The following DPP10 variants were observed in gnomAD, a reference collection of about 807,000 sequenced individuals.
DPP10 encodes the protein inactive dipeptidyl peptidase 10.
DPP10 carries 33 observed loss-of-function variants against 120.9 expected under a neutral mutation model. The observed-to-expected ratio is 0.27, with a 90% CI of 0.21 to 0.37. The LOEUF (loss-of-function observed/expected upper bound fraction) is 0.37. Ranked by LOEUF, DPP10 falls within the 10% of genes least tolerant of loss-of-function variation. The pLI is 1.00. For synonymous variants in DPP10, 337 were observed against 326.1 expected (o/e 1.03, Z -0.36); for missense variants, 816 against 942.8 (o/e 0.87, Z 1.76).
chr2:114,468,296 C>T (rs1165170118), intron 1 of DPP10, among the ~76,000 whole-genome samples: 1 of 149,842 alleles, frequency 6.7e-6, no homozygotes, highest in East Asian at 2.0e-4. Flanking sequence ...GTCCAGATCC[C>T]TCTAGGGTGT....
chr2:115,032,234 CA>C (rs1446163282), intron 1 of DPP10, among the ~76,000 whole-genome samples: 2 of 150,312 alleles, frequency 1.3e-5, no homozygotes, highest in Non-Finnish European at 3.0e-5. Context: ...TACAGCAGAG[CA>C]AAAAGCATGC....
chr2:115,010,601 A>G (rs561258721), intron 1 of DPP10, among the ~76,000 whole-genome samples: 1 of 152,320 alleles, frequency 6.6e-6, no homozygotes, highest in Admixed American at 6.5e-5. Context: ...ATTCTCCATA[A>G]TTAAAATAAG....
chr2:115,672,680 C>CTCTTTCTT (rs70941085), intron 5 of DPP10, among the ~76,000 whole-genome samples: 6,315 of 113,318 alleles, frequency 0.056, 306 homozygotes, highest in East Asian at 0.19. Flanking sequence ...CTCTTTCTTT[C>CTCTTTCTT]TCTTTCTTTC....
At chr2:115,506,489 C>G (rs994754380) in intron 4 of DPP10, among the ~76,000 whole-genome samples, 5 of 151,946 alleles carry the variant, frequency 3.3e-5, no homozygotes, top group Non-Finnish European at 5.9e-5. Flanking sequence ...GACTCCTAAT[C>G]CATTGTTGTT....
intron 1 of DPP10, among the ~76,000 whole-genome samples, chr2:114,497,103 AT>A (rs1449286725): frequency 6.7e-6 from 1 of 148,576 alleles, no homozygotes; most frequent in Non-Finnish European, 1.5e-5. Flanking sequence ...ACATGTGTAC[AT>A]GTACGTATAC....
rs143433690 is a variant in DPP10 at position 114,752,791 on chromosome 2, C to T, written c.60+309953C>T. Among the ~76,000 whole-genome samples, 156 of 152,274 alleles carry T rather than the reference C, an allele frequency of 1.0e-3. 1 individual carries two copies. Among genetic ancestry groups the T allele is most frequent in the Non-Finnish European group, 1.6e-3 (110 of 68,026 alleles). On this transcript the variant is annotated intron_variant, in intron 1 of 25. Coordinates refer to ENST00000410059, the MANE Select transcript of DPP10 (RefSeq NM_020868.6). ...ATGACACCCCTGTTTTACTTGCTTC[C>T]GTTTTCCACCAATTAAGAAATGGCA...
At chr2:115,762,998 C>T (rs575614682) in intron 12 of DPP10, among the ~76,000 whole-genome samples, 1 of 152,264 alleles carries the variant, frequency 6.6e-6, no homozygotes, top group South Asian at 2.1e-4. Flanking sequence ...CAAATAAATA[C>T]TTCTCTTCTT....
chr2:115,171,728 AC>A lies in DPP10; in HGVS notation c.61-137510del, dbSNP rs200736526. 2.4e-3 allele frequency among the ~76,000 whole-genome samples: 365 copies of A among 151,214 alleles called. 1 individual carries two copies. The highest frequency in any genetic ancestry group is 3.9e-3 in the African/African-American group (161 of 41,218). ...TTAAGTATAACCTTAAAAAAAAAAAACAAAAAAAAAACAAGTTTTAAAATGC... is the reference window on the plus strand; with the variant it reads ...TTAAGTATAACCTTAAAAAAAAAAAAAAAAAAAAAACAAGTTTTAAAATGC... On this transcript the variant is annotated intron_variant, in intron 1 of 25. Transcript: ENST00000410059.
intron 1 of DPP10, among the ~76,000 whole-genome samples, chr2:115,235,901 A>T (rs1239819984): frequency 6.6e-6 from 1 of 152,162 alleles, no homozygotes; most frequent in Non-Finnish European, 1.5e-5. Context: ...TAAGTACACG[A>T]TGGAGGATGT....
At chr2:115,680,940 T>C (rs1451624052) in intron 5 of DPP10, among the ~76,000 whole-genome samples, 1 of 151,942 alleles carries the variant, frequency 6.6e-6, no homozygotes, top group Non-Finnish European at 1.5e-5. Flanking sequence ...TGATTACAGC[T>C]TATGACAGGA....
chr2:115,055,475 C>T (rs1573449274), intron 1 of DPP10, among the ~76,000 whole-genome samples: 1 of 152,300 alleles, frequency 6.6e-6, no homozygotes, highest in East Asian at 1.9e-4. Flanking sequence ...AAGAAAACGA[C>T]AGGCGAAGAA....
chr2:115,366,853 A>G (rs2065109377), intron 3 of DPP10, among the ~76,000 whole-genome samples: 1 of 152,048 alleles, frequency 6.6e-6, no homozygotes, highest in Admixed American at 6.6e-5. Context: ...TTCAGCACTG[A>G]AAACAGATAG....
intron 1 of DPP10, among the ~76,000 whole-genome samples, chr2:114,615,742 A>C (rs1693628250): frequency 6.6e-6 from 1 of 152,120 alleles, no homozygotes; most frequent in African/African-American, 2.4e-5. Flanking sequence ...ACTTGTAGGG[A>C]GGGAAAAGGG....
chr2:115,301,257 C>G (rs944480624), intron 1 of DPP10, among the ~76,000 whole-genome samples: 9 of 151,966 alleles, frequency 5.9e-5, no homozygotes, highest in East Asian at 3.9e-4. Flanking sequence ...TCAGCATACT[C>G]TTGCAGTTTT....
rs796819754 is a variant in DPP10, at chr2:115,499,251, AATT to A, written c.272-257_272-255del. ...ATGTGCAGCAGACTGCCCATATTTT[AATT>A]AATTTTCATTTGTTAAACCATGAAC... On this transcript the variant is annotated intron_variant, in intron 3 of 25. Coordinates refer to ENST00000410059, the MANE Select transcript of DPP10 (RefSeq NM_020868.6). 3.3e-5 allele frequency among the ~76,000 whole-genome samples: 5 copies of A among 152,166 alleles called. 1 individual carries two copies. The highest frequency in any genetic ancestry group is 1.2e-4 in the African/African-American group (5 of 41,558).
At chr2:115,282,763 A>C (rs551045473) in intron 1 of DPP10, among the ~76,000 whole-genome samples, 1 of 152,212 alleles carries the variant, frequency 6.6e-6, no homozygotes, top group African/African-American at 2.4e-5. Flanking sequence ...CTTTGAAGTT[A>C]TTGTTTCTAA....
At chr2:115,596,475 G>A (rs1553457986) in intron 5 of DPP10, among the ~76,000 whole-genome samples, 1 of 151,908 alleles carries the variant, frequency 6.6e-6, no homozygotes, top group Non-Finnish European at 1.5e-5. Context: ...TTATAAATGT[G>A]TATAAACACA....
At chr2:115,402,596 AG>A (rs142080656) in intron 3 of DPP10, among the ~76,000 whole-genome samples, 2,395 of 151,734 alleles carry the variant, frequency 0.016, 53 homozygotes, top group African/African-American at 0.055. Flanking sequence ...ACAAAGAAAT[AG>A]AAAACTCAAT....
At chr2:115,705,703 G>A (rs1394971539) in intron 7 of DPP10, among the ~76,000 whole-genome samples, 1 of 151,736 alleles carries the variant, frequency 6.6e-6, no homozygotes, top group Non-Finnish European at 1.5e-5. Context: ...CCACTTTTTT[G>A]TTGTTGTTTA....
Sources: allele counts gnomAD v4.1 joint callset (sites outside exome capture counted in the v4.1 genomes callset), GRCh38; gene constraint gnomAD v4.1.1; transcripts MANE v1.5; gene names NCBI Gene and HGNC (gene_info 2026-07-23, HGNC 2026-07-21).